Variants in PLCE1 observed in about 807,000 individuals in gnomAD.
The protein encoded by PLCE1 is 1-phosphatidylinositol 4,5-bisphosphate phosphodiesterase epsilon-1.
In PLCE1, 119 loss-of-function variants were observed where a neutral mutation model predicts 242.8. The ratio of observed to expected loss-of-function variants is 0.49; its 90% confidence interval spans 0.42 to 0.57. The LOEUF is 0.57. Ranked by LOEUF, PLCE1 falls within the 20% of genes least tolerant of loss-of-function variation. The pLI, the probability that PLCE1 is intolerant of heterozygous loss-of-function variation, is 0.00. For missense variants in PLCE1, 2,441 were observed against 2,788.8 expected, an observed-to-expected ratio of 0.88 and a Z score of 2.81; for synonymous variants, 945 against 1,017.4, an observed-to-expected ratio of 0.93 and a Z score of 1.35.
intron 19 of PLCE1, among the ~76,000 whole-genome samples, chr10:94,275,642 C>A (rs2051920799): frequency 6.6e-6 from 1 of 152,058 alleles, no homozygotes; most frequent in African/African-American, 2.4e-5. Flanking sequence ...TCAAGACAAG[C>A]CTGGGCAACA....
chr10:94,085,623 C>T (rs1204174348), intron 2 of PLCE1, among the ~76,000 whole-genome samples: 3 of 152,282 alleles, frequency 2.0e-5, no homozygotes, highest in Admixed American at 1.3e-4. Context: ...CATTCCCCAG[C>T]GGTTGCCTGA....
At chr10:94,282,914 C>T (rs536758483) in intron 20 of PLCE1, among the ~76,000 whole-genome samples, 7 of 152,072 alleles carry the variant, frequency 4.6e-5, no homozygotes, top group African/African-American at 1.4e-4. Context: ...GTTAGCATGA[C>T]GTTGTGATAC....
intron 4 of PLCE1, among the ~76,000 whole-genome samples, chr10:94,186,010 T>C (rs894026108): frequency 3.3e-5 from 5 of 152,244 alleles, no homozygotes; most frequent in African/African-American, 1.2e-4. Context: ...AGGATGCGGC[T>C]CGATTTGTTT....
intron 2 of PLCE1, among the ~76,000 whole-genome samples, chr10:94,066,659 C>T (rs919056385): frequency 6.6e-6 from 1 of 152,142 alleles, no homozygotes. Flanking sequence ...GTGATTTCAA[C>T]ATCCTGGGCC....
chr10:94,182,192 G>A (rs1165691674), intron 4 of PLCE1, among the ~76,000 whole-genome samples: 1 of 151,174 alleles, frequency 6.6e-6, no homozygotes, highest in Non-Finnish European at 1.5e-5. Flanking sequence ...TCATCCATTA[G>A]TGCAGATACT....
chr10:94,021,092 A>G lies in PLCE1; in HGVS notation c.-364-9591A>G, dbSNP rs1296196992. Among the ~76,000 whole-genome samples, 3 of 152,110 alleles carry G rather than the reference A, an allele frequency of 2.0e-5. No homozygotes were observed. In the East Asian group the frequency reaches 5.8e-4, roughly 29 times the overall value. On this transcript the variant is annotated intron_variant, in intron 1 of 32. Coordinates refer to ENST00000371380, the MANE Select transcript of PLCE1 (RefSeq NM_016341.4). Reference sequence around the variant, plus strand: ...GTGATCTGCTCATCTCATCCTCCCAAGGTGATGGGATTACAGGCATGAGCC... The same window carrying G: ...GTGATCTGCTCATCTCATCCTCCCAGGGTGATGGGATTACAGGCATGAGCC...
chr10:94,321,828 T>C, intron 29 of PLCE1, 73 bp from the exon 30 acceptor site: 1 of 1,145,252 alleles, frequency 8.7e-7, no homozygotes, highest in Non-Finnish European at 1.3e-6. Context: ...CAAGCTCAGA[T>C]TTTTGCTAGA....
chr10:94,206,204 T>C (rs1039945537), intron 4 of PLCE1, among the ~76,000 whole-genome samples: 4 of 152,160 alleles, frequency 2.6e-5, no homozygotes, highest in Non-Finnish European at 5.9e-5. Context: ...GGGAATGAGC[T>C]ACCTGGACAT....
chr10:94,179,111 A>G (rs2048214968), intron 4 of PLCE1, among the ~76,000 whole-genome samples: 3 of 152,348 alleles, frequency 2.0e-5, no homozygotes, highest in South Asian at 2.1e-4. Context: ...CAGATATTGT[A>G]TTCTTTCCCT....
chr10:94,090,443 A>T (rs902849681), intron 2 of PLCE1, among the ~76,000 whole-genome samples: 1 of 152,216 alleles, frequency 6.6e-6, no homozygotes, highest in African/African-American at 2.4e-5. Flanking sequence ...TCAGAAAAAT[A>T]ACATGAGAAA....
At chr10:94,146,914 T>G (rs571992344) in intron 3 of PLCE1, among the ~76,000 whole-genome samples, 56 of 152,376 alleles carry the variant, frequency 3.7e-4, no homozygotes, top group African/African-American at 1.3e-3. Context: ...ATTCAGGAAC[T>G]GGGCTGGAAA....
At chr10:94,007,575 CTTTTTTTTT>C (rs57779697) in intron 1 of PLCE1, among the ~76,000 whole-genome samples, 1 of 107,266 alleles carries the variant, frequency 9.3e-6, no homozygotes, top group South Asian at 3.2e-4. Context: ...TTCTCTCTCT[CTTTTTTTTT>C]TTTTTTTTTT....
chr10:94,032,249 T>C lies in PLCE1; in HGVS notation c.1203T>C (p.Tyr401=). ...GSQRLSEAQW[Y]PIYNAVRREE... ...AACGTCTGTCAGAAGCCCAGTGGTATCCTGTAAGCATTTGAGTTTCTTTTT... is the reference window on the plus strand; with the variant it reads ...AACGTCTGTCAGAAGCCCAGTGGTACCCTGTAAGCATTTGAGTTTCTTTTT... The change falls in exon 2 of 33, where the codon TAT becomes TAC. Residue 401 remains tyrosine, a synonymous_variant. Transcript: ENST00000371380. 6.2e-7 allele frequency: 1 copy of C among 1,613,220 alleles called. No homozygotes were observed. Among genetic ancestry groups the C allele is most frequent in the Non-Finnish European group, 8.5e-7 (1 of 1,179,536 alleles).
At chr10:94,196,885 G>A (rs759564292) in intron 4 of PLCE1, among the ~76,000 whole-genome samples, 14 of 152,056 alleles carry the variant, frequency 9.2e-5, no homozygotes, top group Non-Finnish European at 1.0e-4. Flanking sequence ...ACAGGTCAGT[G>A]GCTTTTTTCA....
At chr10:94,136,366 A>C (rs568745337) in intron 3 of PLCE1, among the ~76,000 whole-genome samples, 1 of 152,300 alleles carries the variant, frequency 6.6e-6, no homozygotes, top group South Asian at 2.1e-4. Flanking sequence ...TGAATTGTAC[A>C]CTTAAAAATG....
chr10:94,244,792 T>A (rs963144640), intron 7 of PLCE1, among the ~76,000 whole-genome samples: 2 of 152,088 alleles, frequency 1.3e-5, no homozygotes, highest in African/African-American at 4.8e-5. Context: ...AGACTCTACC[T>A]CCCAGGCTCC....
chr10:94,093,450 C>T (rs903079836), intron 2 of PLCE1, among the ~76,000 whole-genome samples: 1 of 152,140 alleles, frequency 6.6e-6, no homozygotes, highest in Non-Finnish European at 1.5e-5. Context: ...AACAAATAGG[C>T]AGTGACTCAG....
At chr10:94,322,151 A>G (rs2053832642) in intron 30 of PLCE1, 92 bp downstream of exon 30, 1 of 1,223,038 alleles carries the variant, frequency 8.2e-7, no homozygotes, top group African/African-American at 1.5e-5. Flanking sequence ...TTTATGAGTG[A>G]AGTTCCTCAA....
At chr10:94,188,766 C>T (rs532806875) in intron 4 of PLCE1, among the ~76,000 whole-genome samples, 9 of 152,184 alleles carry the variant, frequency 5.9e-5, no homozygotes, top group Non-Finnish European at 8.8e-5. Context: ...CCACCACTCC[C>T]GGCTAATTTT....
Sources: gnomAD v4.1 joint callset for allele counts (sites outside exome capture counted in the v4.1 genomes callset) on GRCh38, gnomAD v4.1.1 for gene constraint, MANE v1.5 for transcripts, NCBI Gene and HGNC (gene_info 2026-07-23, HGNC 2026-07-21) for gene names.